Variants in TLCD2 observed in about 807,000 individuals in gnomAD.
The protein encoded by TLCD2 is TLC domain containing 2.
In TLCD2, 12 loss-of-function variants were observed where a neutral mutation model predicts 14.0. That is an observed-to-expected ratio of 0.86 (90% CI 0.55 to 1.39). The LOEUF (loss-of-function observed/expected upper bound fraction) is 1.39, where lower values mean the gene tolerates loss of function less well. Among genes scored for constraint, TLCD2 ranks in the 40% most tolerant of loss-of-function variants. The pLI, the probability that TLCD2 is intolerant of heterozygous loss-of-function variation, is 0.00. For missense variants in TLCD2, 360 were observed against 346.8 expected (o/e 1.04, Z -0.30); for synonymous variants, 166 against 156.5 (o/e 1.06, Z -0.45).
At position 1,707,203 on chromosome 17, in the gene TLCD2, G is replaced by A. The variant is rs548660789; in HGVS notation, c.*567C>T. 1 of 152,772 alleles carries A rather than the reference G, an allele frequency of 6.5e-6. No individual in the cohort carries two copies. The highest frequency in any genetic ancestry group is 2.1e-4 in the South Asian group (1 of 4,830). The allele number at this position is 152,772 out of a possible 1,614,324, so 9.5% of individuals were successfully genotyped here. A position where few individuals can be genotyped will look rare whatever the true frequency, so the allele number is the denominator to read the frequency against. Reference sequence around the variant, plus strand: ...GAAAAAGAAAAAGAAAAACAGGAGTGTGGCTTTGAGAACCAGAAACATCAG... The same window carrying A: ...GAAAAAGAAAAAGAAAAACAGGAGTATGGCTTTGAGAACCAGAAACATCAG... On this transcript the variant is annotated 3_prime_UTR_variant, in exon 4 of 4. Coordinates refer to ENST00000330676, the MANE Select transcript of TLCD2 (RefSeq NM_001164407.2).
At position 1,710,093 on chromosome 17, in the gene TLCD2, C is replaced by T; in HGVS notation, c.150G>A (p.Leu50=). 6.5e-7 allele frequency: 1 copy of T among 1,533,380 alleles called. No homozygotes were observed. The highest frequency in any genetic ancestry group is 8.7e-7 in the Non-Finnish European group (1 of 1,146,362). The allele number at this position is 1,533,380 out of a possible 1,614,324, so 95.0% of individuals were successfully genotyped here. A position where few individuals can be genotyped will look rare whatever the true frequency, so the allele number is the denominator to read the frequency against. The part of the protein sequence containing the change: ...WNLCVSLAHS[L]LSGTGALLGL... ...CGAGCAGCGCCCCGGTCCCCGAGAG[C>T]AGGCTGTGCGCCAGGGAGACGCAGA... The change falls in exon 1 of 4, where the codon CTG becomes CTA. Residue 50 remains leucine (L), a synonymous_variant. Coordinates refer to ENST00000330676, the MANE Select transcript of TLCD2 (RefSeq NM_001164407.2). The surrounding 1 kb of genome is among the most constrained non-coding windows in gnomAD (Gnocchi z 6.1).
In TLCD2 at chr17:1,707,248, G is replaced by C. The variant is rs144147825; in HGVS notation, c.*522C>G. 1.3e-5 allele frequency: 2 copies of C among 154,510 alleles called. No individual in the cohort carries two copies. Among genetic ancestry groups the C allele is most frequent in the Non-Finnish European group, 2.9e-5 (2 of 69,620 alleles). The allele number at this position is 154,510 out of a possible 1,614,324, so 9.6% of individuals were successfully genotyped here. A position where few individuals can be genotyped will look rare whatever the true frequency, so the allele number is the denominator to read the frequency against. Reference sequence around the variant, plus strand: ...CATCAGCAGCAATTGCTGTGGCCCAGGTTCTGTCTCTTGGCAACTATCACG... The same window carrying C: ...CATCAGCAGCAATTGCTGTGGCCCACGTTCTGTCTCTTGGCAACTATCACG... On this transcript the variant is annotated 3_prime_UTR_variant, in exon 4 of 4. Coordinates refer to ENST00000330676, the MANE Select transcript of TLCD2 (RefSeq NM_001164407.2).
Position 1,710,335 on chromosome 17 carries a change from C to T in TLCD2, c.-93G>A, listed in dbSNP as rs941608918. 1 of 1,213,264 alleles carries T rather than the reference C, an allele frequency of 8.2e-7. No individual in the cohort carries two copies. The highest frequency in any genetic ancestry group is 1.1e-6 in the Non-Finnish European group (1 of 920,808). 75.2% of individuals were successfully genotyped at this position (1,213,264 alleles called of 1,614,324 possible). On this transcript the variant is annotated 5_prime_UTR_variant, in exon 1 of 4. Transcript: ENST00000330676. This position sits in a 1 kb window ranked among gnomAD's most constrained non-coding sequence, Gnocchi z 6.1. ...ACTGGGAACCCGTTTCCCGGCAGGGCTGGGGCCCCGGCTCCCCTCCCCGCC... is the reference window on the plus strand; with the variant it reads ...ACTGGGAACCCGTTTCCCGGCAGGGTTGGGGCCCCGGCTCCCCTCCCCGCC...
At position 1,703,603 on chromosome 17, in the gene TLCD2, G is replaced by C. The variant is rs1913940966; in HGVS notation, c.*4167C>G. On this transcript the variant is annotated 3_prime_UTR_variant, in exon 4 of 4. Coordinates refer to ENST00000330676, the MANE Select transcript of TLCD2 (RefSeq NM_001164407.2). The stretch of plus-strand genomic sequence containing the variant: ...GCTAATTTTTTTTATTTTTAGTAGA[G>C]ATGGGATTTCACCTGCCTCGGTCCC... The C allele has an allele frequency of 6.6e-6, 1 of 151,734 alleles. No individual in the cohort carries two copies. The highest frequency in any genetic ancestry group is 2.1e-4 in the South Asian group (1 of 4,798). 9.4% of individuals were successfully genotyped at this position (151,734 alleles called of 1,614,324 possible).
At chr17:1,708,626 A>C (rs1914118494) in intron 3 of TLCD2, among the ~76,000 whole-genome samples, 1 of 151,606 alleles carries the variant, frequency 6.6e-6, no homozygotes, top group Non-Finnish European at 1.5e-5. Context: ...AGCTGGGACT[A>C]CCGGTGCGCG....
chr17:1,709,756 C>A, intron 2 of TLCD2, 48 bp downstream of exon 2: 1 of 1,325,820 alleles, frequency 7.5e-7, no homozygotes, highest in Non-Finnish European at 1.0e-6. Context: ...GCAGAACCTG[C>A]CCCCCGCCCC....
intron 1 of TLCD2, 77 bp from the exon 2 acceptor site, chr17:1,709,963 A>T (rs1337787832): frequency 1.3e-6 from 2 of 1,505,962 alleles, no homozygotes; most frequent in African/African-American, 2.8e-5. Context: ...CCCTGTGCGC[A>T]CCCCCACCCC....
intron 3 of TLCD2, among the ~76,000 whole-genome samples, chr17:1,708,504 T>C (rs1192610931): frequency 1.2e-4 from 14 of 116,814 alleles, no homozygotes; most frequent in South Asian, 3.1e-4. Flanking sequence ...TTTTTTTTTT[T>C]CGAGACAGAC....
In TLCD2 at chr17:1,710,138, G is replaced by C; in HGVS notation, c.105C>G (p.Asp35Glu). 1.3e-6 allele frequency: 2 copies of C among 1,533,332 alleles called. No individual in the cohort carries two copies. Among genetic ancestry groups the C allele is most frequent in the Admixed American group, 3.9e-5 (2 of 50,966 alleles). 95.0% of individuals were successfully genotyped at this position (1,533,332 alleles called of 1,614,324 possible). A position where few individuals can be genotyped will look rare whatever the true frequency, so the allele number is the denominator to read the frequency against. The change falls in exon 1 of 4, where the codon GAC becomes GAG. Residue 35 changes from aspartate (D) to glutamate (E), a missense_variant. By Grantham distance (45) the Asp-to-Glu change is conservative (BLOSUM62 2). Coordinates refer to ENST00000330676, the MANE Select transcript of TLCD2 (RefSeq NM_001164407.2). This position sits in a 1 kb window ranked among gnomAD's most constrained non-coding sequence, Gnocchi z 6.1. Reference sequence around the variant, plus strand: ...CGCAGAGGTTCCACCACTGCCAGCGGTCCCGAGCGGCCGATTCCGGCGTGG... The same window carrying C: ...CGCAGAGGTTCCACCACTGCCAGCGCTCCCGAGCGGCCGATTCCGGCGTGG... Reference protein sequence around the residue: ...RLPTPESAARDRWQWWNLCVS... With the variant: ...RLPTPESAARERWQWWNLCVS...
Position 1,708,052 on chromosome 17 carries a change from G to A in TLCD2, c.513C>T (p.Ala171=). 6.5e-7 allele frequency: 1 copy of A among 1,537,198 alleles called. No individual in the cohort carries two copies. Among genetic ancestry groups the A allele is most frequent in the Non-Finnish European group, 8.7e-7 (1 of 1,146,900 alleles). ...GGACCAGGCGGAAGAGGGCCAAGGT[G>A]GCCAAGGAGGCCCAGCTGGTCACGC... ...AFSVTSWASL[A]TLALFRLVPL... Residue 171 remains alanine, a synonymous_variant, in exon 4 of 4, where the codon GCC becomes GCT. Transcript: ENST00000330676.
In TLCD2 at chr17:1,710,278, C is replaced by G; in HGVS notation, c.-36G>C. 1 of 1,440,978 alleles carries G rather than the reference C, an allele frequency of 6.9e-7. No individual in the cohort carries two copies. Among genetic ancestry groups the G allele is most frequent in the South Asian group, 1.4e-5 (1 of 70,918 alleles). 89.3% of individuals were successfully genotyped at this position (1,440,978 alleles called of 1,614,324 possible). A position where few individuals can be genotyped will look rare whatever the true frequency, so the allele number is the denominator to read the frequency against. On this transcript the variant is annotated 5_prime_UTR_variant, in exon 1 of 4. Transcript: ENST00000330676. This position sits in a 1 kb window ranked among gnomAD's most constrained non-coding sequence, Gnocchi z 6.1. The stretch of plus-strand genomic sequence containing the variant: ...TTGGGGGGTTGCGGGGAGTCCGGGT[C>G]GGTCCCCTCGGCGCCCGCGCTCTCG...
chr17:1,708,617 G>A (rs1056558535), intron 3 of TLCD2, among the ~76,000 whole-genome samples: 1 of 151,452 alleles, frequency 6.6e-6, no homozygotes, highest in Non-Finnish European at 1.5e-5. Flanking sequence ...TTCCAGAGTA[G>A]CTGGGACTAC....
rs1388688435 is a variant in TLCD2, at chr17:1,706,993, T to A, written c.*777A>T. 6.6e-6 allele frequency: 1 copy of A among 151,450 alleles called. No individual in the cohort carries two copies. The highest frequency in any genetic ancestry group is 1.5e-5 in the Non-Finnish European group (1 of 67,952). The allele number at this position is 151,450 out of a possible 1,614,324, so 9.4% of individuals were successfully genotyped here. On this transcript the variant is annotated 3_prime_UTR_variant, in exon 4 of 4. Transcript: ENST00000330676. Reference sequence around the variant, plus strand: ...CCAGCCTGGGCAACATGGTGAAACCTCCTCTCCACCAAAAAATACAAAAAT... The same window carrying A: ...CCAGCCTGGGCAACATGGTGAAACCACCTCTCCACCAAAAAATACAAAAAT...
Position 1,710,114 on chromosome 17 carries a change from G to A in TLCD2, c.129C>T (p.Cys43=), listed in dbSNP as rs1319068045. ...AGAGCAGGCTGTGCGCCAGGGAGAC[G>A]CAGAGGTTCCACCACTGCCAGCGGT... ...ARDRWQWWNL[C]VSLAHSLLSG... is the part of the protein sequence containing the mutation. Residue 43 remains cysteine, a synonymous_variant, in exon 1 of 4, where the codon TGC becomes TGT. Transcript: ENST00000330676. The surrounding 1 kb of genome is among the most constrained non-coding windows in gnomAD (Gnocchi z 6.1). 4 of 1,533,440 alleles carry A rather than the reference G, an allele frequency of 2.6e-6. No individual in the cohort carries two copies. In the African/African-American group the frequency reaches 4.1e-5, roughly 16 times the overall value. The allele number at this position is 1,533,440 out of a possible 1,614,324, so 95.0% of individuals were successfully genotyped here. A position where few individuals can be genotyped will look rare whatever the true frequency, so the allele number is the denominator to read the frequency against.
At position 1,707,514 on chromosome 17, in the gene TLCD2, C is replaced by G. The variant is rs976479431; in HGVS notation, c.*256G>C. Reference sequence around the variant, plus strand: ...CCTTTACTGATAGCTCTAGCTGTACCTCTTGAGTTTATTTGCTGGAAAGGA... The same window carrying G: ...CCTTTACTGATAGCTCTAGCTGTACGTCTTGAGTTTATTTGCTGGAAAGGA... On this transcript the variant is annotated 3_prime_UTR_variant, in exon 4 of 4. Transcript: ENST00000330676. The G allele has an allele frequency of 1.5e-5, 7 of 477,534 alleles. No individual in the cohort carries two copies. The highest frequency in any genetic ancestry group is 3.8e-5 in the Admixed American group (1 of 26,190). The allele number at this position is 477,534 out of a possible 1,614,324, so 29.6% of individuals were successfully genotyped here. A position where few individuals can be genotyped will look rare whatever the true frequency, so the allele number is the denominator to read the frequency against.
At chr17:1,709,762 G>A in intron 2 of TLCD2, 42 bp downstream of exon 2, 2 of 1,037,492 alleles carry the variant, frequency 1.9e-6, no homozygotes, top group Non-Finnish European at 2.8e-6. Flanking sequence ...CCTGCCCCCC[G>A]CCCCATCCCC....
At position 1,710,081 on chromosome 17, in the gene TLCD2, G is replaced by C. The variant is rs1468755461; in HGVS notation, c.162C>G (p.Thr54=). ...CAAGCCCGCACCCGAGCAGCGCCCC[G>C]GTCCCCGAGAGCAGGCTGTGCGCCA... ...VSLAHSLLSG[T]GALLGLSLYP... The change falls in exon 1 of 4, where the codon ACC becomes ACG. Residue 54 remains threonine (T), a synonymous_variant. Coordinates refer to ENST00000330676, the MANE Select transcript of TLCD2 (RefSeq NM_001164407.2). The surrounding 1 kb of genome is among the most constrained non-coding windows in gnomAD (Gnocchi z 6.1). The C allele has an allele frequency of 1.3e-6, 2 of 1,533,004 alleles. No homozygotes were observed. Among genetic ancestry groups the C allele is most frequent in the South Asian group, 1.2e-5 (1 of 83,920 alleles). The allele number at this position is 1,533,004 out of a possible 1,614,324, so 95.0% of individuals were successfully genotyped here. A position where few individuals can be genotyped will look rare whatever the true frequency, so the allele number is the denominator to read the frequency against.
At position 1,710,009 on chromosome 17, in the gene TLCD2, G is replaced by C. The variant is rs1309197884; in HGVS notation, c.176+58C>G. On this transcript the variant is annotated intron_variant, in intron 1 of 3. Transcript: ENST00000330676. The surrounding 1 kb of genome is among the most constrained non-coding windows in gnomAD (Gnocchi z 6.1). ...CTGGAGACGCCCGGCGGGTCTCCCG[G>C]CCTCAGCCTCCCACCCCTCGCCCTC... 33 of 1,519,542 alleles carry C rather than the reference G, an allele frequency of 2.2e-5. 1 individual carries two copies. In the South Asian group the frequency reaches 2.6e-4, roughly 12 times the overall value. The allele number at this position is 1,519,542 out of a possible 1,614,324, so 94.1% of individuals were successfully genotyped here.
Position 1,705,822 on chromosome 17 carries a change from T to C in TLCD2, c.*1948A>G, listed in dbSNP as rs1914015454. ...GGGTTGCCTCTCTCAGTCCATTGTT[T>C]AGTGGAACAGCAGACTTAATCTGCT... On this transcript the variant is annotated 3_prime_UTR_variant, in exon 4 of 4. Transcript: ENST00000330676. 1 of 152,196 alleles carries C rather than the reference T, an allele frequency of 6.6e-6. No homozygotes were observed. Among genetic ancestry groups the C allele is most frequent in the African/African-American group, 2.4e-5 (1 of 41,442 alleles). The allele number at this position is 152,196 out of a possible 1,614,324, so 9.4% of individuals were successfully genotyped here. A position where few individuals can be genotyped will look rare whatever the true frequency, so the allele number is the denominator to read the frequency against.
Sources: allele counts gnomAD v4.1 joint callset (sites outside exome capture counted in the v4.1 genomes callset), GRCh38; gene constraint gnomAD v4.1.1; non-coding constraint Gnocchi (gnomAD v3.1); transcripts MANE v1.5; gene names NCBI Gene and HGNC (gene_info 2026-07-23, HGNC 2026-07-21).